The following RFLNA variants were observed in gnomAD, a reference collection of about 807,000 sequenced individuals.
RFLNA encodes refilin A.
In RFLNA, 5 loss-of-function variants were observed where a neutral mutation model predicts 7.8. The observed-to-expected ratio is 0.64, with a 90% CI of 0.34 to 1.35. The LOEUF (loss-of-function observed/expected upper bound fraction) is 1.35, where lower values mean the gene tolerates loss of function less well. RFLNA is among the 40% of genes most tolerant of loss of function. RFLNA has a pLI of 0.04. For synonymous variants in RFLNA, 141 were observed against 131.3 expected, an observed-to-expected ratio of 1.07 and a Z score of -0.50; for missense variants, 278 against 305.5, an observed-to-expected ratio of 0.91 and a Z score of 0.67.
At chr12:124,297,795 T>C (rs1334024537) in intron 1 of RFLNA, among the ~76,000 whole-genome samples, 2 of 152,242 alleles carry the variant, frequency 1.3e-5, no homozygotes, top group Admixed American at 6.5e-5. Flanking sequence ...TCTTCTCAGC[T>C]TTGGGGCTTG....
chr12:124,302,569 C>T (rs969122744), intron 1 of RFLNA, among the ~76,000 whole-genome samples: 15 of 152,160 alleles, frequency 9.9e-5, no homozygotes, highest in African/African-American at 3.4e-4. Context: ...GCCCCCTGCC[C>T]CAGGATTCGC....
intron 1 of RFLNA, among the ~76,000 whole-genome samples, chr12:124,296,176 C>T (rs377063878): frequency 0.89 from 4,090 of 4,576 alleles, 1,989 homozygotes; most frequent in Middle Eastern, 1. Context: ...CTTCTCTTCT[C>T]TTCTCTTCTT....
chr12:124,313,436 T>G (rs1474705911), intron 2 of RFLNA, among the ~76,000 whole-genome samples: 1 of 152,196 alleles, frequency 6.6e-6, no homozygotes, highest in Non-Finnish European at 1.5e-5. Flanking sequence ...CCCAGCACTT[T>G]GGGAGGCCGA....
rs886731375 is a variant in RFLNA at position 124,289,825 on chromosome 12, C to T, written c.-37+455C>T. Reference sequence around the variant, plus strand: ...GTGAGACAGGCCACCGGGGAACATGCGACTCCCCGGGGCAGGGAGGCATCC... The same window carrying T: ...GTGAGACAGGCCACCGGGGAACATGTGACTCCCCGGGGCAGGGAGGCATCC... On this transcript the variant is annotated intron_variant, in intron 1 of 2. Coordinates refer to the RFLNA transcript ENST00000324038. This position sits in a 1 kb window ranked among gnomAD's most constrained non-coding sequence, Gnocchi z 5.0. Among the ~76,000 whole-genome samples, 22 of 152,294 alleles carry T rather than the reference C, an allele frequency of 1.4e-4. No homozygotes were observed. The highest frequency in any genetic ancestry group is 3.1e-4 in the African/African-American group (13 of 41,536).
chr12:124,290,253 T>C (rs560758290), upstream of RFLNA, among the ~76,000 whole-genome samples: 2 of 152,182 alleles, frequency 1.3e-5, no homozygotes, highest in African/African-American at 2.4e-5. The surrounding 1 kb of genome is among the most constrained non-coding windows in gnomAD (Gnocchi z 4.0). Context: ...CATGCGTGTA[T>C]ACGTGTGTGG....
chr12:124,301,217 C>T (rs535500952), intron 1 of RFLNA, among the ~76,000 whole-genome samples: 143 of 152,224 alleles, frequency 9.4e-4, no homozygotes, highest in Middle Eastern at 6.8e-3. Context: ...TCCTTCCAGC[C>T]GCGTCTGCTC....
chr12:124,290,865 G>T (rs1031974064), upstream of RFLNA, among the ~76,000 whole-genome samples: 1 of 152,176 alleles, frequency 6.6e-6, no homozygotes, highest in Non-Finnish European at 1.5e-5. This position sits in a 1 kb window ranked among gnomAD's most constrained non-coding sequence, Gnocchi z 4.0. Flanking sequence ...GAAAGGGCAG[G>T]CCAATTGCCC....
rs767014053 is a variant in RFLNA, at chr12:124,314,420, C to A, written c.546C>A (p.Thr182=). ...PKHARSTFRT[T]LHCSLGRPSR... Reference sequence around the variant, plus strand: ...ATGCCAGGAGCACTTTCCGGACCACCCTGCACTGCAGCCTGGGCCGGCCCA... The same window carrying A: ...ATGCCAGGAGCACTTTCCGGACCACACTGCACTGCAGCCTGGGCCGGCCCA... Residue 182 remains threonine, a synonymous_variant, in exon 3 of 3, where the codon ACC becomes ACA. Coordinates refer to ENST00000546355, the MANE Select transcript of RFLNA (RefSeq NM_001365156.1). 2 of 1,606,134 alleles carry A rather than the reference C, an allele frequency of 1.2e-6. No homozygotes were observed. Among genetic ancestry groups the A allele is most frequent in the South Asian group, 1.1e-5 (1 of 91,088 alleles).
intron 1 of RFLNA, among the ~76,000 whole-genome samples, chr12:124,298,793 C>T (rs916641454): frequency 6.6e-6 from 1 of 152,220 alleles, no homozygotes; most frequent in Non-Finnish European, 1.5e-5. Context: ...TAGAAACCCA[C>T]ACACACTCAG....
chr12:124,300,655 G>C lies in RFLNA; in HGVS notation c.207+5019G>C, dbSNP rs572745080. ...GGATGGATGGATGGATGGATCGATG[G>C]GCAAATAGATAGAAGGATGGATCGA... On this transcript the variant is annotated intron_variant, in intron 1 of 2. Coordinates refer to ENST00000546355, the MANE Select transcript of RFLNA (RefSeq NM_001365156.1). 1.9e-4 allele frequency among the ~76,000 whole-genome samples: 29 copies of C among 151,154 alleles called. No homozygotes were observed. In the South Asian group the frequency reaches 5.7e-3, roughly 30 times the overall value.
upstream of RFLNA, among the ~76,000 whole-genome samples, chr12:124,290,908 G>A (rs913838185): frequency 6.6e-5 from 10 of 152,350 alleles, no homozygotes; most frequent in Admixed American, 4.6e-4. This position sits in a 1 kb window ranked among gnomAD's most constrained non-coding sequence, Gnocchi z 4.0. Context: ...TAGGGCCAGG[G>A]TTCAAACCCA....
chr12:124,300,922 G>A (rs1246461889), intron 1 of RFLNA, among the ~76,000 whole-genome samples: 1 of 151,616 alleles, frequency 6.6e-6, no homozygotes, highest in Non-Finnish European at 1.5e-5. Flanking sequence ...AAGGGTGGAT[G>A]GATGGATGGA....
In RFLNA at chr12:124,312,047, C is replaced by T. The variant is rs2034255294; in HGVS notation, c.317+120C>T. On this transcript the variant is annotated intron_variant, in intron 2 of 2. Transcript: ENST00000546355. ...AGCTGGGGGCTCAGGAGGCTCCCTACCCTCCAGGCAGCCCCTCTGGGTGCT... is the reference window on the plus strand; with the variant it reads ...AGCTGGGGGCTCAGGAGGCTCCCTATCCTCCAGGCAGCCCCTCTGGGTGCT... 10 of 1,216,840 alleles carry T rather than the reference C, an allele frequency of 8.2e-6. No homozygotes were observed. The South Asian group carries it at 1.5e-4, about 18-fold the overall frequency. The allele number at this position is 1,216,840 out of a possible 1,614,324, so 75.4% of individuals were successfully genotyped here. A position where few individuals can be genotyped will look rare whatever the true frequency, so the allele number is the denominator to read the frequency against.
intron 2 of RFLNA, 37 bp downstream of exon 2, chr12:124,311,964 G>A (rs1460627148): frequency 1.3e-6 from 2 of 1,492,848 alleles, no homozygotes; most frequent in South Asian, 1.3e-5. Context: ...GGAGGAGGGG[G>A]TGGGGGGTTG....
chr12:124,296,116 C>CT (rs1356633334), intron 1 of RFLNA, among the ~76,000 whole-genome samples: 2 of 3,668 alleles, frequency 5.5e-4, no homozygotes, highest in Non-Finnish European at 0.02. Flanking sequence ...TTCTTTCTTT[C>CT]TTTCTTTCTC....
At chr12:124,294,244 A>T (rs1205424878), upstream of RFLNA, among the ~76,000 whole-genome samples, 3 of 151,892 alleles carry the variant, frequency 2.0e-5, no homozygotes, top group Non-Finnish European at 4.4e-5. Context: ...GCACACTTTC[A>T]CCCCTCCTGG....
chr12:124,314,255 C>A lies in RFLNA; in HGVS notation c.381C>A (p.Pro127=). The A allele has an allele frequency of 6.2e-7, 1 of 1,613,434 alleles. No homozygotes were observed. The highest frequency in any genetic ancestry group is 1.1e-5 in the South Asian group (1 of 91,072). ...TCCAGGACAAGGTCTTCTATGCGCCCGTACCCACCGTCACGGCCTACAGCG... is the reference window on the plus strand; with the variant it reads ...TCCAGGACAAGGTCTTCTATGCGCCAGTACCCACCGTCACGGCCTACAGCG... ...KHFQDKVFYA[P]VPTVTAYSET... Residue 127 remains proline (P), a synonymous_variant, in exon 3 of 3, where the codon CCC becomes CCA. Transcript: ENST00000546355.
rs867806328 is a variant in RFLNA, at chr12:124,314,077, A to G, written c.318-115A>G. ...TGACCTTGACATTTCAGAGCAGCCC[A>G]CACCCGTTAGGCTTCAGAGCATCTG... On this transcript the variant is annotated intron_variant, in intron 2 of 2. Transcript: ENST00000546355. 135 of 1,337,286 alleles carry G rather than the reference A, an allele frequency of 1.0e-4. No individual in the cohort carries two copies. The Middle Eastern group carries it at 4.3e-3, about 43-fold the overall frequency. 82.8% of individuals were successfully genotyped at this position (1,337,286 alleles called of 1,614,324 possible).
upstream of RFLNA, among the ~76,000 whole-genome samples, chr12:124,294,173 G>C (rs904160288): frequency 6.6e-6 from 1 of 152,180 alleles, no homozygotes; most frequent in Non-Finnish European, 1.5e-5. Context: ...TCTGACACCC[G>C]GCTTCCCGCC....
Sources: allele counts gnomAD v4.1 joint callset (sites outside exome capture counted in the v4.1 genomes callset), GRCh38; gene constraint gnomAD v4.1.1; non-coding constraint Gnocchi (gnomAD v3.1); transcripts MANE v1.5; gene names NCBI Gene and HGNC (gene_info 2026-07-23, HGNC 2026-07-21).